CCDC171: variants seen among roughly 807,000 people sequenced by gnomAD.
CCDC171 encodes coiled-coil domain-containing protein 171.
A neutral mutation model predicts 168.2 loss-of-function variants in CCDC171; 177 were observed. The observed-to-expected ratio is 1.05, with a 90% CI of 0.93 to 1.19. The LOEUF (loss-of-function observed/expected upper bound fraction) is 1.19. CCDC171 is among the 50% of genes most tolerant of loss of function. The pLI is 0.00. For missense variants in CCDC171, 1,991 were observed against 1,539.0 expected, an observed-to-expected ratio of 1.29 and a Z score of -4.91; for synonymous variants, 687 against 540.8, an observed-to-expected ratio of 1.27 and a Z score of -3.75.
chr9:15,567,689 C>A (rs959440499), intron 2 of CCDC171, among the ~76,000 whole-genome samples: 1 of 151,422 alleles, frequency 6.6e-6, no homozygotes, highest in African/African-American at 2.4e-5. Context: ...AGGTCTTGCT[C>A]TGTTGCCCAG....
chr9:15,813,198 C>T (rs1164215493), intron 21 of CCDC171, among the ~76,000 whole-genome samples: 1 of 152,156 alleles, frequency 6.6e-6, no homozygotes, highest in Non-Finnish European at 1.5e-5. Context: ...ATGTTTCTTA[C>T]TTAAATATTG....
At chr9:16,006,968 G>A (rs1417820717) in intron 3 of CCDC171, among the ~76,000 whole-genome samples, 10 of 152,204 alleles carry the variant, frequency 6.6e-5, no homozygotes, top group East Asian at 1.9e-4. Context: ...GGCTGGGTCA[G>A]TTGGTATTTC....
intron 21 of CCDC171, among the ~76,000 whole-genome samples, chr9:15,835,316 CT>C (rs2060396333): frequency 6.6e-6 from 1 of 152,038 alleles, no homozygotes; most frequent in Non-Finnish European, 1.5e-5. Flanking sequence ...GAGCAATTTC[CT>C]GTCTTTGTTT....
chr9:15,698,590 A>C (rs2051415355), intron 11 of CCDC171, among the ~76,000 whole-genome samples: 1 of 151,552 alleles, frequency 6.6e-6, no homozygotes, highest in African/African-American at 2.4e-5. Context: ...ACTTAACATA[A>C]TGACCTCCAG....
intron 6 of CCDC171, among the ~76,000 whole-genome samples, chr9:15,616,200 C>T (rs2044072010): frequency 6.6e-6 from 1 of 152,284 alleles, no homozygotes; most frequent in South Asian, 2.1e-4. Context: ...GATCTGCCCC[C>T]TTTGGCCTCC....
At chr9:15,697,172 T>A (rs1475574518) in intron 11 of CCDC171, among the ~76,000 whole-genome samples, 1 of 152,220 alleles carries the variant, frequency 6.6e-6, no homozygotes, top group East Asian at 1.9e-4. Context: ...TTATTTCCTC[T>A]GCTTCCTCTG....
At chr9:15,685,716 G>C (rs1392739124) in intron 10 of CCDC171, among the ~76,000 whole-genome samples, 2 of 151,988 alleles carry the variant, frequency 1.3e-5, no homozygotes, top group Non-Finnish European at 2.9e-5. Flanking sequence ...TGAATGAAGA[G>C]TGGAATCTTC....
chr9:16,020,986 A>G (rs1426342453), intron 4 of CCDC171, among the ~76,000 whole-genome samples: 1 of 152,244 alleles, frequency 6.6e-6, no homozygotes, highest in Non-Finnish European at 1.5e-5. Context: ...TAGCAGTTTT[A>G]CTCACTGATG....
chr9:16,035,559 C>T (rs1833450108), intron 7 of CCDC171: 2 of 152,170 alleles, frequency 1.3e-5, no homozygotes, highest in African/African-American at 4.8e-5. Flanking sequence ...ACTCCAAGTT[C>T]CAAGCATTTA....
the CCDC171 span, among the ~76,000 whole-genome samples, chr9:16,085,378 A>G: frequency 7.9e-5 from 12 of 152,356 alleles, no homozygotes; most frequent in East Asian, 9.6e-4. Context: ...AGCTGCATGT[A>G]GCACTGAAAT....
At chr9:16,005,827 A>T (rs1832678159) in intron 3 of CCDC171, among the ~76,000 whole-genome samples, 1 of 152,198 alleles carries the variant, frequency 6.6e-6, no homozygotes, top group South Asian at 2.1e-4. Flanking sequence ...CCCCATGGAT[A>T]TCAAGGGATA....
chr9:15,819,525 G>A lies in CCDC171; in HGVS notation c.3268-27177G>A, dbSNP rs1182293814. On this transcript the variant is annotated intron_variant, in intron 21 of 25. Coordinates refer to ENST00000380701, the MANE Select transcript of CCDC171 (RefSeq NM_173550.4). ...CCAAGCAAATGGAAAACAAAAATAG[G>A]CAGGGGTTGCCATCCTAATCTCGGA... Among the ~76,000 whole-genome samples, 3 of 116,532 alleles carry A rather than the reference G, an allele frequency of 2.6e-5. 1 individual carries two copies. The highest frequency in any genetic ancestry group is 5.8e-5 in the Non-Finnish European group (3 of 52,058). 76.4% of individuals were successfully genotyped at this position (116,532 alleles called of 152,430 possible).
chr9:15,892,777 A>G (rs115812115), intron 24 of CCDC171, among the ~76,000 whole-genome samples: 3,478 of 152,280 alleles, frequency 0.023, 138 homozygotes, highest in African/African-American at 0.08. Context: ...TGCCCAAAGA[A>G]ATCAGAAAGG....
At chr9:15,706,232 C>CCTTG (rs1266092972) in intron 11 of CCDC171, among the ~76,000 whole-genome samples, 1 of 149,514 alleles carries the variant, frequency 6.7e-6, no homozygotes, top group Non-Finnish European at 1.5e-5. Context: ...TTCCTTCCTT[C>CCTTG]CTTCCTTCCT....
chr9:15,827,606 G>A (rs1015298112), intron 21 of CCDC171, among the ~76,000 whole-genome samples: 8 of 152,058 alleles, frequency 5.3e-5, no homozygotes, highest in African/African-American at 1.7e-4. Context: ...TACACCTAGG[G>A]GAATGCCATA....
At chr9:15,811,357 A>G (rs1396798688) in intron 21 of CCDC171, among the ~76,000 whole-genome samples, 1 of 152,232 alleles carries the variant, frequency 6.6e-6, no homozygotes, top group Non-Finnish European at 1.5e-5. Context: ...ACACAAATAA[A>G]TATGGAAAAT....
chr9:16,037,246 C>T (rs926427866), intron 8 of CCDC171, among the ~76,000 whole-genome samples: 2 of 152,176 alleles, frequency 1.3e-5, no homozygotes, highest in Non-Finnish European at 2.9e-5. Flanking sequence ...GAAAATGCCA[C>T]TCTGTACCCA....
intron 7 of CCDC171, among the ~76,000 whole-genome samples, chr9:15,637,171 A>G (rs2046263121): frequency 6.6e-6 from 1 of 152,010 alleles, no homozygotes. Flanking sequence ...CAGCAAAATC[A>G]CTTGAACCTG....
At chr9:16,058,057 AT>A (rs1285622474) in intron 1 of CCDC171, among the ~76,000 whole-genome samples, 116 of 151,666 alleles carry the variant, frequency 7.6e-4, no homozygotes, top group African/African-American at 2.7e-3. Flanking sequence ...AAAAAAAATA[AT>A]AATAATAATA....
Sources: gnomAD v4.1 joint callset for allele counts (sites outside exome capture counted in the v4.1 genomes callset) on GRCh38, gnomAD v4.1.1 for gene constraint, MANE v1.5 for transcripts, NCBI Gene and HGNC (gene_info 2026-07-23, HGNC 2026-07-21) for gene names.